The following RSPRY1 variants were observed in gnomAD, a reference collection of about 807,000 sequenced individuals.
RSPRY1 encodes the protein RING finger and SPRY domain-containing protein 1.
A neutral mutation model predicts 73.1 loss-of-function variants in RSPRY1; 23 were observed. The observed-to-expected ratio is 0.31, with a 90% CI of 0.23 to 0.45. The LOEUF (loss-of-function observed/expected upper bound fraction) is 0.45. RSPRY1 is among the 20% of genes least tolerant of loss of function. The pLI is 1.00. For missense variants in RSPRY1, 448 were observed against 698.7 expected (o/e 0.64, Z 4.05); for synonymous variants, 226 against 251.4 (o/e 0.90, Z 0.95).
chr16:57,213,773 G>C (rs2074889776), intron 5 of RSPRY1, 115 bp from the exon 6 acceptor site: 2 of 794,306 alleles, frequency 2.5e-6, no homozygotes, highest in Non-Finnish European at 4.4e-6. Flanking sequence ...CAGAGCAGGA[G>C]GCTTTAATAA....
intron 5 of RSPRY1, among the ~76,000 whole-genome samples, chr16:57,213,351 C>T (rs1567501691): frequency 6.6e-6 from 1 of 150,734 alleles, no homozygotes; most frequent in African/African-American, 2.4e-5. Flanking sequence ...GAATAAGGAG[C>T]GAGGAAAAGA....
At chr16:57,207,567 G>A (rs2074749360) in intron 2 of RSPRY1, 2 of 455,940 alleles carry the variant, frequency 4.4e-6, no homozygotes, top group African/African-American at 4.0e-5. Flanking sequence ...ATTTTATGAA[G>A]TCTAAGCATG....
chr16:57,229,889 T>A (rs943479261), intron 11 of RSPRY1, among the ~76,000 whole-genome samples: 1 of 150,628 alleles, frequency 6.6e-6, no homozygotes, highest in African/African-American at 2.4e-5. Flanking sequence ...GTATATTTAG[T>A]AGAGATGGGG....
At chr16:57,216,838 C>A in intron 7 of RSPRY1, 66 bp from the exon 8 acceptor site, 1 of 1,467,980 alleles carries the variant, frequency 6.8e-7, no homozygotes, top group Non-Finnish European at 9.5e-7. Context: ...CTTAGCAATA[C>A]TAATTTGCTG....
rs570223007 is a variant in RSPRY1, at chr16:57,201,794, C to G, written c.-155-2710C>G. 3.9e-4 allele frequency among the ~76,000 whole-genome samples: 60 copies of G among 152,282 alleles called. No homozygotes were observed. In the East Asian group the frequency reaches 0.01, roughly 26 times the overall value. On this transcript the variant is annotated intron_variant, in intron 1 of 14. Coordinates refer to ENST00000394420, the MANE Select transcript of RSPRY1 (RefSeq NM_133368.3). ...CAACACAGCGAAACCCCGTCTCCAC[C>G]AAAAAAATACGAAAACCAGTCAGGC...
At chr16:57,210,950 C>T (rs534785314) in intron 4 of RSPRY1, among the ~76,000 whole-genome samples, 2 of 150,422 alleles carry the variant, frequency 1.3e-5, no homozygotes, top group Non-Finnish European at 3.0e-5. Flanking sequence ...ATCTGGAGGT[C>T]GAGATTGCAG....
chr16:57,234,183 A>G (rs1364776161), intron 13 of RSPRY1, among the ~76,000 whole-genome samples: 3 of 152,118 alleles, frequency 2.0e-5, no homozygotes, highest in East Asian at 1.9e-4. Flanking sequence ...CACCAGGCCT[A>G]TGATAGCTTC....
At chr16:57,211,777 G>A (rs890212370) in intron 4 of RSPRY1, among the ~76,000 whole-genome samples, 2 of 146,996 alleles carry the variant, frequency 1.4e-5, no homozygotes, top group Admixed American at 1.4e-4. Flanking sequence ...ATGGAGTCTT[G>A]CTATGTTGCC....
chr16:57,207,236 C>T (rs2074743254), intron 2 of RSPRY1, among the ~76,000 whole-genome samples: 1 of 152,126 alleles, frequency 6.6e-6, no homozygotes, highest in African/African-American at 2.4e-5. Flanking sequence ...CAGGCAGCAC[C>T]TAATGAGTAC....
At chr16:57,192,603 C>G (rs1227167188) in intron 1 of RSPRY1, among the ~76,000 whole-genome samples, 1 of 151,898 alleles carries the variant, frequency 6.6e-6, no homozygotes, top group Non-Finnish European at 1.5e-5. Context: ...TCCTTTGTAC[C>G]ATTTTAGGTC....
At chr16:57,192,342 A>G (rs2074364865) in intron 1 of RSPRY1, among the ~76,000 whole-genome samples, 1 of 152,084 alleles carries the variant, frequency 6.6e-6, no homozygotes. Flanking sequence ...TGGGGGGAAA[A>G]CCACAAGTAC....
Position 57,216,094 on chromosome 16 carries a change from T to C in RSPRY1, c.703-13T>C. ...ATTTTTTTTTTTTTTTTTTATCTTT[T>C]GTTGTTTTTCAGAAGTTACAGTCCC... is the stretch of plus-strand genomic sequence containing the variant. On this transcript the variant is annotated splice_polypyrimidine_tract_variant and intron_variant, in intron 6 of 14. Coordinates refer to ENST00000394420, the MANE Select transcript of RSPRY1 (RefSeq NM_133368.3). 1 of 1,584,114 alleles carries C rather than the reference T, an allele frequency of 6.3e-7. No homozygotes were observed. The highest frequency in any genetic ancestry group is 8.6e-7 in the Non-Finnish European group (1 of 1,165,176).
In RSPRY1 at chr16:57,227,407, G is replaced by A; in HGVS notation, c.1227G>A (p.Trp409Ter). Residue 409 changes from tryptophan (W) to a stop codon, truncating the protein, a stop_gained, in exon 11 of 15, where the codon TGG (tryptophan) becomes TGA (stop). Transcript: ENST00000394420. LOFTEE classifies it high-confidence loss of function. ...ATGATGGCTGCCGGCAGCTGATTTG[G>A]TACAATGCCAGAAGTAAGCCTCACA... ...CAYDGCRQLI[W>*]YNARSKPHIH... is the part of the protein sequence containing the mutation. The A allele has an allele frequency of 6.2e-7, 1 of 1,614,098 alleles. No individual in the cohort carries two copies. The highest frequency in any genetic ancestry group is 8.5e-7 in the Non-Finnish European group (1 of 1,179,990).
chr16:57,202,881 TA>T (rs1370479899), intron 1 of RSPRY1, among the ~76,000 whole-genome samples: 5 of 28,490 alleles, frequency 1.8e-4, no homozygotes, highest in Non-Finnish European at 3.4e-4. Flanking sequence ...CATATGATTA[TA>T]TATATATATA....
At chr16:57,227,723 C>T (rs370293183) in intron 11 of RSPRY1, among the ~76,000 whole-genome samples, 208 of 152,198 alleles carry the variant, frequency 1.4e-3, no homozygotes, top group African/African-American at 4.7e-3. Flanking sequence ...ATTCTATTTT[C>T]CTCTTTGGAT....
At chr16:57,229,358 T>G (rs746768112) in intron 11 of RSPRY1, among the ~76,000 whole-genome samples, 8 of 152,164 alleles carry the variant, frequency 5.3e-5, no homozygotes, top group Non-Finnish European at 8.8e-5. Context: ...TCCCAGCACT[T>G]TTGGAGATCA....
chr16:57,228,420 C>G (rs1257760015), intron 11 of RSPRY1, among the ~76,000 whole-genome samples: 3 of 151,426 alleles, frequency 2.0e-5, no homozygotes, highest in African/African-American at 7.3e-5. Context: ...CTTGAAGGAA[C>G]ATAAAACTTC....
chr16:57,195,873 T>C (rs1168406361), intron 1 of RSPRY1, among the ~76,000 whole-genome samples: 1 of 151,614 alleles, frequency 6.6e-6, no homozygotes, highest in Non-Finnish European at 1.5e-5. Flanking sequence ...ATACAAAAAA[T>C]TAGCTGAGCG....
rs757803911 is a variant in RSPRY1, at chr16:57,209,172, T to C, written c.501T>C (p.Cys167=). The C allele has an allele frequency of 3.4e-5, 55 of 1,603,948 alleles. No individual in the cohort carries two copies. The highest frequency in any genetic ancestry group is 4.5e-5 in the Non-Finnish European group (53 of 1,171,900). ...PAVITLLLDE[C]PLPTKDALQK... ...TTATAACATTGTTACTAGATGAATG[T>C]CCATTGCCCACTAAAGTAAGTTAAT... The change falls in exon 4 of 15, where the codon TGT becomes TGC. Residue 167 remains cysteine, a synonymous_variant. Coordinates refer to ENST00000394420, the MANE Select transcript of RSPRY1 (RefSeq NM_133368.3).
Sources: allele counts gnomAD v4.1 joint callset (sites outside exome capture counted in the v4.1 genomes callset), GRCh38; gene constraint gnomAD v4.1.1; transcripts MANE v1.5; gene names NCBI Gene and HGNC (gene_info 2026-07-23, HGNC 2026-07-21).